The following UNC13C variants were observed in gnomAD, a reference collection of about 807,000 sequenced individuals.
UNC13C encodes protein unc-13 homolog C.
A neutral mutation model predicts 245.4 loss-of-function variants in UNC13C; 174 were observed. The observed-to-expected ratio is 0.71, with a 90% CI of 0.63 to 0.80. The LOEUF (loss-of-function observed/expected upper bound fraction) is 0.80. UNC13C is among the 30% of genes least tolerant of loss of function. The pLI is 0.00. For synonymous variants in UNC13C, 992 were observed against 895.1 expected (o/e 1.11, Z -1.93); for missense variants, 2,829 against 2,602.9 (o/e 1.09, Z -1.89).
At chr15:54,595,368 C>G (rs1462555665) in intron 30 of UNC13C, among the ~76,000 whole-genome samples, 2 of 152,114 alleles carry the variant, frequency 1.3e-5, no homozygotes, top group Non-Finnish European at 2.9e-5. Context: ...AACTCTCTTT[C>G]CCACAAAGGA....
At chr15:54,522,296 C>T (rs1222957174) in intron 24 of UNC13C, among the ~76,000 whole-genome samples, 5 of 151,018 alleles carry the variant, frequency 3.3e-5, no homozygotes, top group Non-Finnish European at 5.9e-5. Flanking sequence ...CATGGTGAAA[C>T]CCCATCTCTA....
At chr15:54,528,882 A>G (rs747046177) in intron 25 of UNC13C, among the ~76,000 whole-genome samples, 12 of 152,258 alleles carry the variant, frequency 7.9e-5, no homozygotes, top group Non-Finnish European at 1.5e-4. Flanking sequence ...CTTTGATTCA[A>G]TACACACTCC....
chr15:54,436,240 A>G (rs2140983065), intron 19 of UNC13C, among the ~76,000 whole-genome samples: 1 of 152,136 alleles, frequency 6.6e-6, no homozygotes, highest in Admixed American at 6.6e-5. Context: ...TTATGAGCAT[A>G]ATCAAATAGC....
intron 2 of UNC13C, among the ~76,000 whole-genome samples, chr15:54,044,625 T>C (rs1896952772): frequency 6.6e-6 from 1 of 152,230 alleles, no homozygotes; most frequent in African/African-American, 2.4e-5. Flanking sequence ...TACCTGACTT[T>C]TTTGTTATAC....
intron 2 of UNC13C, among the ~76,000 whole-genome samples, chr15:54,103,201 G>A (rs1415556699): frequency 6.6e-6 from 1 of 152,156 alleles, no homozygotes; most frequent in Non-Finnish European, 1.5e-5. Flanking sequence ...CTCTCTCACA[G>A]TACATACACA....
chr15:54,155,453 A>G (rs186502765), intron 4 of UNC13C, among the ~76,000 whole-genome samples: 49 of 152,320 alleles, frequency 3.2e-4, no homozygotes, highest in African/African-American at 1.1e-3. Context: ...TGTTTTCTTT[A>G]TAAGAGGAGC....
chr15:54,087,176 C>T (rs1595834117), intron 2 of UNC13C, among the ~76,000 whole-genome samples: 1 of 152,100 alleles, frequency 6.6e-6, no homozygotes, highest in African/African-American at 2.4e-5. Context: ...TCACTTGAAG[C>T]ATTATTTTCA....
At chr15:53,904,909 G>C in the UNC13C span, among the ~76,000 whole-genome samples, 1 of 152,096 alleles carries the variant, frequency 6.6e-6, no homozygotes, top group Admixed American at 6.5e-5. Flanking sequence ...GGATTGATGA[G>C]ACAAGTGAAT....
At chr15:54,039,080 A>G (rs1412070026) in intron 2 of UNC13C, among the ~76,000 whole-genome samples, 1 of 152,000 alleles carries the variant, frequency 6.6e-6, no homozygotes, top group African/African-American at 2.4e-5. Context: ...AGCAACAGGG[A>G]CCTCATGCCC....
chr15:54,241,367 G>A (rs1043179283), intron 7 of UNC13C, among the ~76,000 whole-genome samples: 1 of 152,142 alleles, frequency 6.6e-6, no homozygotes, highest in African/African-American at 2.4e-5. Context: ...ACACTAGAAA[G>A]ATAACATGGA....
chr15:53,839,586 A>G, the UNC13C span, among the ~76,000 whole-genome samples: 1 of 152,028 alleles, frequency 6.6e-6, no homozygotes, highest in Non-Finnish European at 1.5e-5. Flanking sequence ...ACTTCTATAA[A>G]CAGTATATGA....
At chr15:54,467,389 C>T (rs1189978778) in intron 19 of UNC13C, among the ~76,000 whole-genome samples, 1 of 151,500 alleles carries the variant, frequency 6.6e-6, no homozygotes, top group Non-Finnish European at 1.5e-5. Flanking sequence ...GAGATGACTA[C>T]AAATTTCTTT....
chr15:54,235,077 G>GA lies in UNC13C; in HGVS notation c.3127dup (p.Thr1043AsnfsTer26), dbSNP rs749125502. The GA allele has an allele frequency of 5.0e-6, 8 of 1,613,560 alleles. No homozygotes were observed. Among genetic ancestry groups the GA allele is most frequent in the Non-Finnish European group, 5.9e-6 (7 of 1,179,704 alleles). On this transcript the variant is annotated frameshift_variant, in exon 5 of 33. Transcript: ENST00000260323. LOFTEE classifies it high-confidence loss of function. ...ATTGACAGCATGCCGGATCTTCGCA[G>GA]AAAAAAAACTTTGCCTATTGTCCGA...
intron 30 of UNC13C, among the ~76,000 whole-genome samples, chr15:54,596,887 T>C (rs1164666133): frequency 6.6e-6 from 1 of 152,168 alleles, no homozygotes; most frequent in Non-Finnish European, 1.5e-5. Context: ...CAGCTAGTGG[T>C]GCCATGCTTG....
intron 30 of UNC13C, among the ~76,000 whole-genome samples, chr15:54,612,429 T>G (rs1383300692): frequency 6.6e-6 from 1 of 152,054 alleles, no homozygotes; most frequent in East Asian, 1.9e-4. Context: ...ACCGTCTCTC[T>G]GTAACATCTG....
In UNC13C at chr15:54,014,654, G is replaced by A. The variant is rs370428263; in HGVS notation, c.1751G>A (p.Arg584Gln). ...AGCTCTCTCCTGTCATCTTCGGACC[G>A]GGAGCTATGGCAGAGGAAACAGGAA... Reference protein sequence around the residue: ...NGSSLLSSSDRELWQRKQEGT... With the variant: ...NGSSLLSSSDQELWQRKQEGT... The change falls in exon 2 of 33, where the codon CGG becomes CAG. Residue 584 changes from arginine to glutamine, a missense_variant. Arg to Gln is a conservative substitution (Grantham distance 43). Transcript: ENST00000260323. The A allele has an allele frequency of 8.1e-5, 130 of 1,613,548 alleles. No individual in the cohort carries two copies. The highest frequency in any genetic ancestry group is 6.3e-4 in the African/African-American group (47 of 75,002).
chr15:54,277,954 C>T (rs1310976495), intron 10 of UNC13C, among the ~76,000 whole-genome samples: 1 of 152,090 alleles, frequency 6.6e-6, no homozygotes, highest in African/African-American at 2.4e-5. Flanking sequence ...AGTTAGAGTC[C>T]TTTAAGTACA....
the UNC13C span, among the ~76,000 whole-genome samples, chr15:53,871,330 T>C: frequency 6.6e-6 from 1 of 152,308 alleles, no homozygotes; most frequent in African/African-American, 2.4e-5. Context: ...GCCTATGTAA[T>C]ATTTTATAAC....
At chr15:53,879,953 T>TTG in the UNC13C span, among the ~76,000 whole-genome samples, 21,492 of 147,576 alleles carry the variant, frequency 0.15, 1,520 homozygotes, top group East Asian at 0.23. Flanking sequence ...GTGTGTGTGT[T>TTG]TGTGTGTGTG....
Sources: gnomAD v4.1 joint callset for allele counts (sites outside exome capture counted in the v4.1 genomes callset) on GRCh38, gnomAD v4.1.1 for gene constraint, MANE v1.5 for transcripts, NCBI Gene and HGNC (gene_info 2026-07-23, HGNC 2026-07-21) for gene names.